The following SLC35F1 variants were observed in gnomAD, a reference collection of about 807,000 sequenced individuals.
The protein encoded by SLC35F1 is chromosome 6 open reading frame 169.
Under a neutral mutation model 48.7 loss-of-function variants are expected in SLC35F1, and 14 were observed. The observed-to-expected ratio is 0.29, with a 90% CI of 0.19 to 0.45. The LOEUF is 0.45. Ranked by LOEUF, SLC35F1 falls within the 20% of genes least tolerant of loss-of-function variation. The pLI, the probability that SLC35F1 is intolerant of heterozygous loss-of-function variation, is 1.00. For missense variants in SLC35F1, 404 were observed against 500.0 expected (o/e 0.81, Z 1.83); for synonymous variants, 190 against 202.2 (o/e 0.94, Z 0.51).
intron 3 of SLC35F1, among the ~76,000 whole-genome samples, chr6:118,260,452 A>AT (rs1029868996): frequency 1.9e-4 from 28 of 150,912 alleles, no homozygotes; most frequent in African/African-American, 6.4e-4. Flanking sequence ...AGGGTTTTTA[A>AT]TTTTTTTTAA....
At chr6:118,032,591 T>C (rs1440613085) in intron 1 of SLC35F1, among the ~76,000 whole-genome samples, 3 of 152,220 alleles carry the variant, frequency 2.0e-5, no homozygotes, top group Non-Finnish European at 2.9e-5. Context: ...AAATAGATTA[T>C]ACACAATATG....
At chr6:118,011,408 G>C (rs1266657770) in intron 1 of SLC35F1, among the ~76,000 whole-genome samples, 4 of 152,026 alleles carry the variant, frequency 2.6e-5, no homozygotes, top group African/African-American at 7.2e-5. Context: ...TAAGTGGGAA[G>C]TACTACATGG....
chr6:118,242,321 G>T lies in SLC35F1; in HGVS notation c.477+6685G>T, dbSNP rs149393821. 2.6e-5 allele frequency among the ~76,000 whole-genome samples: 4 copies of T among 152,330 alleles called. No homozygotes were observed. In the East Asian group the frequency reaches 7.7e-4, roughly 29 times the overall value. On this transcript the variant is annotated intron_variant, in intron 3 of 7. Coordinates refer to ENST00000360388, the MANE Select transcript of SLC35F1 (RefSeq NM_001029858.4). Reference sequence around the variant, plus strand: ...TTAATTTATATTTACAGAATGGCTAGTAATGTTGAATATCTTTTGAGAGAA... The same window carrying T: ...TTAATTTATATTTACAGAATGGCTATTAATGTTGAATATCTTTTGAGAGAA...
At chr6:118,002,406 A>G (rs1465554350) in intron 1 of SLC35F1, among the ~76,000 whole-genome samples, 1 of 151,620 alleles carries the variant, frequency 6.6e-6, no homozygotes, top group Admixed American at 6.6e-5. Context: ...AACAATGAGA[A>G]CACATGGACA....
chr6:117,908,079 C>T (rs1775716645), intron 1 of SLC35F1, among the ~76,000 whole-genome samples, 180 bp downstream of exon 1: 2 of 152,316 alleles, frequency 1.3e-5, no homozygotes, highest in Middle Eastern at 6.8e-3. Context: ...CAGCTTTGTC[C>T]CGGCGCAGGG....
intron 1 of SLC35F1, among the ~76,000 whole-genome samples, chr6:117,972,033 C>A (rs1448679108): frequency 3.3e-5 from 5 of 152,218 alleles, no homozygotes; most frequent in African/African-American, 1.2e-4. Flanking sequence ...TTTATATCAT[C>A]ATCAGGGTGC....
intron 1 of SLC35F1, among the ~76,000 whole-genome samples, chr6:117,943,050 A>C (rs994287574): frequency 6.6e-6 from 1 of 152,150 alleles, no homozygotes; most frequent in Non-Finnish European, 1.5e-5. Context: ...AGTGCCTCTG[A>C]GACAATTTTT....
chr6:118,304,779 T>C (rs1302921403), intron 7 of SLC35F1, among the ~76,000 whole-genome samples: 2 of 151,726 alleles, frequency 1.3e-5, no homozygotes, highest in African/African-American at 2.4e-5. Flanking sequence ...TTATTGTCCT[T>C]AGTTAACTGA....
chr6:118,085,856 G>A (rs780137839), intron 1 of SLC35F1, among the ~76,000 whole-genome samples: 1 of 152,064 alleles, frequency 6.6e-6, no homozygotes, highest in Non-Finnish European at 1.5e-5. Flanking sequence ...TTATCCTGAA[G>A]GACCTGTCCA....
rs73512516 is a variant in SLC35F1 at position 118,259,496 on chromosome 6, A to G, written c.478-7499A>G. On this transcript the variant is annotated intron_variant, in intron 3 of 7. Transcript: ENST00000360388. ...AGGAACAAATAAAATCATCAAAAATACAAAAATGATTAAAATAGTACTTTA... is the reference window on the plus strand; with the variant it reads ...AGGAACAAATAAAATCATCAAAAATGCAAAAATGATTAAAATAGTACTTTA... Among the ~76,000 whole-genome samples the G allele has an allele frequency of 9.1e-3, 1,378 of 152,206 alleles. 24 individuals are homozygous for G. Among genetic ancestry groups the G allele is most frequent in the African/African-American group, 0.032 (1,314 of 41,578 alleles).
intron 1 of SLC35F1, among the ~76,000 whole-genome samples, chr6:117,981,663 G>C (rs186753768): frequency 6.6e-6 from 1 of 152,244 alleles, no homozygotes; most frequent in Admixed American, 6.5e-5. Flanking sequence ...GTCATGAAAA[G>C]AAAAAGAGGC....
intron 1 of SLC35F1, among the ~76,000 whole-genome samples, chr6:118,012,011 G>A (rs1021723659): frequency 6.6e-6 from 1 of 152,096 alleles, no homozygotes; most frequent in African/African-American, 2.4e-5. Flanking sequence ...TTTAAAAAAT[G>A]ATATTAATAT....
At chr6:118,118,440 T>C (rs1303840535) in intron 1 of SLC35F1, among the ~76,000 whole-genome samples, 1 of 152,200 alleles carries the variant, frequency 6.6e-6, no homozygotes, top group Non-Finnish European at 1.5e-5. Context: ...TTCAGAAGCT[T>C]CCTCCCAGGA....
intron 3 of SLC35F1, among the ~76,000 whole-genome samples, chr6:118,236,245 AAC>A (rs921773012): frequency 6.6e-6 from 1 of 151,604 alleles, no homozygotes. Context: ...TTCTCACATG[AAC>A]ACACACACAC....
intron 1 of SLC35F1, among the ~76,000 whole-genome samples, chr6:117,953,901 T>A (rs150740022): frequency 1.8e-4 from 28 of 152,284 alleles, no homozygotes; most frequent in African/African-American, 6.7e-4. Flanking sequence ...AAAGGGAACA[T>A]GAATGGGATC....
chr6:118,079,405 G>A lies in SLC35F1; in HGVS notation c.174-75040G>A, dbSNP rs539970505. 2.8e-4 allele frequency among the ~76,000 whole-genome samples: 42 copies of A among 152,192 alleles called. 1 individual carries two copies. The South Asian group carries it at 7.7e-3, about 28-fold the overall frequency. On this transcript the variant is annotated intron_variant, in intron 1 of 7. Coordinates refer to ENST00000360388, the MANE Select transcript of SLC35F1 (RefSeq NM_001029858.4). ...TTGTATGTATTTTATTTGTTCATCTGCCAGTGGAGCCAGGTTACTTTCATA... is the reference window on the plus strand; with the variant it reads ...TTGTATGTATTTTATTTGTTCATCTACCAGTGGAGCCAGGTTACTTTCATA...
At chr6:118,184,720 G>T (rs548363719) in intron 2 of SLC35F1, among the ~76,000 whole-genome samples, 45 of 152,274 alleles carry the variant, frequency 3.0e-4, no homozygotes, top group African/African-American at 9.1e-4. Flanking sequence ...ATGTCTGTGG[G>T]TTTGAACTTC....
chr6:118,286,805 T>G (rs111419548), intron 7 of SLC35F1, among the ~76,000 whole-genome samples: 16,537 of 143,706 alleles, frequency 0.12, 979 homozygotes, highest in South Asian at 0.16. Flanking sequence ...GTGTGTGTGT[T>G]TGTGTGTGTG....
chr6:118,267,201 C>T (rs1775784931), intron 4 of SLC35F1, 47 bp downstream of exon 4: 2 of 1,601,224 alleles, frequency 1.2e-6, no homozygotes, highest in South Asian at 1.1e-5. Flanking sequence ...GCGGGTGAGG[C>T]CAAGGCAAGA....
Sources: allele counts gnomAD v4.1 joint callset (sites outside exome capture counted in the v4.1 genomes callset), GRCh38; gene constraint gnomAD v4.1.1; transcripts MANE v1.5; gene names NCBI Gene and HGNC (gene_info 2026-07-23, HGNC 2026-07-21).